The following CNOT6 variants were observed in gnomAD, a reference collection of about 807,000 sequenced individuals.
CNOT6 encodes the protein CCR4-NOT transcription complex subunit 6.
In CNOT6, 12 loss-of-function variants were observed where a neutral mutation model predicts 61.2. That is an observed-to-expected ratio of 0.20 (90% CI 0.13 to 0.32). The LOEUF is 0.32. Ranked by LOEUF, CNOT6 falls within the 10% of genes least tolerant of loss-of-function variation. The pLI, the probability that CNOT6 is intolerant of heterozygous loss-of-function variation, is 1.00. For synonymous variants in CNOT6, 225 were observed against 240.6 expected, an observed-to-expected ratio of 0.94 and a Z score of 0.60; for missense variants, 405 against 663.9, an observed-to-expected ratio of 0.61 and a Z score of 4.28.
intron 2 of CNOT6, among the ~76,000 whole-genome samples, chr5:180,535,727 C>T (rs1036476667): frequency 1.3e-5 from 2 of 152,194 alleles, no homozygotes; most frequent in African/African-American, 4.8e-5. Flanking sequence ...TGAGAAATCT[C>T]CATACTGATT....
intron 1 of CNOT6, among the ~76,000 whole-genome samples, chr5:180,517,047 A>G (rs1283383587): frequency 6.6e-6 from 1 of 152,256 alleles, no homozygotes; most frequent in Non-Finnish European, 1.5e-5. Flanking sequence ...TTTCTACCTT[A>G]TGATCAGAAA....
chr5:180,517,793 C>T (rs1374791243), intron 1 of CNOT6, among the ~76,000 whole-genome samples: 3 of 152,226 alleles, frequency 2.0e-5, no homozygotes, highest in African/African-American at 7.2e-5. Flanking sequence ...CCGCCCGCCT[C>T]GGCCTCCCAG....
At chr5:180,546,994 G>A (rs1015922028) in intron 2 of CNOT6, among the ~76,000 whole-genome samples, 3 of 152,126 alleles carry the variant, frequency 2.0e-5, no homozygotes, top group African/African-American at 7.2e-5. Flanking sequence ...TAGCCTGAAG[G>A]TAACTTTATT....
chr5:180,560,713 T>G (rs972731324), intron 4 of CNOT6, among the ~76,000 whole-genome samples: 1 of 152,186 alleles, frequency 6.6e-6, no homozygotes. Flanking sequence ...TCCTTTGGGT[T>G]TTTCTTGTGT....
intron 6 of CNOT6, among the ~76,000 whole-genome samples, chr5:180,565,040 C>T (rs953536647): frequency 2.6e-5 from 4 of 152,194 alleles, no homozygotes; most frequent in Admixed American, 2.6e-4. Context: ...GTGCTGCTGG[C>T]GTCTGGTGGA....
chr5:180,567,249 C>A lies in CNOT6; in HGVS notation c.872+7C>A. On this transcript the variant is annotated splice_region_variant and intron_variant, in intron 8 of 11. Transcript: ENST00000261951. ...TATTCTTCAAGACAGAAAAGTAAGT[C>A]ATCTTATTTTTTAAAAAGAACGTTT... 6.3e-7 allele frequency: 1 copy of A among 1,593,808 alleles called. No individual in the cohort carries two copies. Among genetic ancestry groups the A allele is most frequent in the South Asian group, 1.2e-5 (1 of 86,878 alleles).
At chr5:180,562,340 C>G (rs1561662266) in intron 4 of CNOT6, among the ~76,000 whole-genome samples, 3 of 152,084 alleles carry the variant, frequency 2.0e-5, no homozygotes, top group Non-Finnish European at 2.9e-5. Flanking sequence ...TTTGTTCTTT[C>G]TCAGGACTCA....
intron 1 of CNOT6, among the ~76,000 whole-genome samples, chr5:180,505,946 G>A (rs1432008123): frequency 6.6e-6 from 1 of 152,138 alleles, no homozygotes; most frequent in African/African-American, 2.4e-5. Context: ...GGACTGTAAA[G>A]TATAGGTGAG....
At chr5:180,563,216 ATTTT>A (rs11379078) in intron 4 of CNOT6, among the ~76,000 whole-genome samples, 1 of 140,236 alleles carries the variant, frequency 7.1e-6, no homozygotes, top group East Asian at 2.1e-4. Context: ...TTCCTGTTAA[ATTTT>A]TTTTTTTTTT....
intron 1 of CNOT6, among the ~76,000 whole-genome samples, chr5:180,501,753 C>T (rs1420919458): frequency 6.6e-6 from 1 of 152,128 alleles, no homozygotes; most frequent in African/African-American, 2.4e-5. Flanking sequence ...TTTTGGACAG[C>T]ATTGAAATGG....
chr5:180,518,632 C>G (rs1757751883), intron 1 of CNOT6, among the ~76,000 whole-genome samples: 1 of 152,086 alleles, frequency 6.6e-6, no homozygotes, highest in Non-Finnish European at 1.5e-5. Context: ...AGTCCTGAGC[C>G]TCAGGTGGCA....
In CNOT6 at chr5:180,553,417, G is replaced by C. The variant is rs759518869; in HGVS notation, c.331G>C (p.Val111Leu). Reference protein sequence around the residue: ...ELHLNNNLLRVLPFELGKLFQ... With the variant: ...ELHLNNNLLRLLPFELGKLFQ... ...CCATTTAAATAACAACCTGTTACGA[G>C]TTCTACCTTTTGAGCTGGGAAAACT... Residue 111 changes from valine to leucine, a missense_variant, in exon 4 of 12, where the codon GTT becomes CTT. By Grantham distance (32) the Val-to-Leu change is conservative (BLOSUM62 1). Transcript: ENST00000261951. 1 of 1,613,894 alleles carries C rather than the reference G, an allele frequency of 6.2e-7. No homozygotes were observed. The highest frequency in any genetic ancestry group is 1.7e-5 in the Admixed American group (1 of 59,992).
chr5:180,529,779 G>T (rs1009925127), intron 2 of CNOT6, among the ~76,000 whole-genome samples: 2 of 152,234 alleles, frequency 1.3e-5, no homozygotes, highest in Non-Finnish European at 2.9e-5. Flanking sequence ...TTCTGGTGGG[G>T]TAGGAATGGC....
intron 1 of CNOT6, among the ~76,000 whole-genome samples, chr5:180,508,883 C>T (rs937658510): frequency 4.6e-5 from 7 of 150,652 alleles, no homozygotes; most frequent in South Asian, 4.2e-4. Context: ...AGTGCAGTGG[C>T]GTGATCCTGG....
At chr5:180,561,981 G>A (rs1173929455) in intron 4 of CNOT6, among the ~76,000 whole-genome samples, 2 of 152,210 alleles carry the variant, frequency 1.3e-5, no homozygotes, top group Non-Finnish European at 2.9e-5. Context: ...TTAGTGTTAA[G>A]CTTGAGTACA....
At chr5:180,547,434 C>T (rs1236758243) in intron 2 of CNOT6, among the ~76,000 whole-genome samples, 2 of 151,934 alleles carry the variant, frequency 1.3e-5, no homozygotes, top group East Asian at 1.9e-4. Flanking sequence ...GCAGGAGAAT[C>T]GCTTGAACCT....
chr5:180,513,937 C>T (rs1029387719), intron 1 of CNOT6, among the ~76,000 whole-genome samples: 2 of 151,844 alleles, frequency 1.3e-5, no homozygotes, highest in African/African-American at 2.4e-5. Context: ...CTCCTGACCT[C>T]ATGATCTGCC....
chr5:180,494,959 C>T (rs1401508457), intron 1 of CNOT6, among the ~76,000 whole-genome samples, 196 bp downstream of exon 1: 1 of 150,934 alleles, frequency 6.6e-6, no homozygotes, highest in Admixed American at 6.6e-5. Flanking sequence ...GCCGCGCCCC[C>T]GGGCCGAGTC....
intron 1 of CNOT6, among the ~76,000 whole-genome samples, chr5:180,520,884 G>A (rs1375771976): frequency 1.4e-5 from 2 of 146,462 alleles, no homozygotes; most frequent in East Asian, 2.0e-4. Context: ...TCTTTCTGTC[G>A]CCCAGGCTGG....
Sources: gnomAD v4.1 joint callset for allele counts (sites outside exome capture counted in the v4.1 genomes callset) on GRCh38, gnomAD v4.1.1 for gene constraint, MANE v1.5 for transcripts, NCBI Gene and HGNC (gene_info 2026-07-23, HGNC 2026-07-21) for gene names.